The following CERS3 variants were observed in gnomAD, a reference collection of about 807,000 sequenced individuals.
The protein encoded by CERS3 is LAG1 homolog, ceramide synthase 3.
In CERS3, 33 loss-of-function variants were observed where a neutral mutation model predicts 50.3. That is an observed-to-expected ratio of 0.66 (90% CI 0.50 to 0.88). The LOEUF is 0.88. Among genes scored for constraint, CERS3 ranks in the 40% least tolerant of loss-of-function variants. The probability of loss-of-function intolerance (pLI) is 0.00; values close to 1 mark genes in which losing one functional copy is unlikely to be tolerated. For synonymous variants in CERS3, 176 were observed against 155.2 expected, an observed-to-expected ratio of 1.13 and a Z score of -0.99; for missense variants, 470 against 460.3, an observed-to-expected ratio of 1.02 and a Z score of -0.19.
rs148101618 is a variant in CERS3, at chr15:100,490,631, T to A, written c.288+186A>T. On this transcript the variant is annotated intron_variant, in intron 4 of 11. Transcript: ENST00000679737. ...TGTTAATATTTGTTATTTTATATTATCATATGTATCACACTTGGGATGTTC... is the reference window on the plus strand; with the variant it reads ...TGTTAATATTTGTTATTTTATATTAACATATGTATCACACTTGGGATGTTC... 3 of 513,660 alleles carry A rather than the reference T, an allele frequency of 5.8e-6. No individual in the cohort carries two copies. In the East Asian group the frequency reaches 9.8e-5, roughly 17 times the overall value. 31.8% of individuals were successfully genotyped at this position (513,660 alleles called of 1,614,324 possible). A position where few individuals can be genotyped will look rare whatever the true frequency, so the allele number is the denominator to read the frequency against.
intron 2 of CERS3, among the ~76,000 whole-genome samples, chr15:100,518,799 T>G (rs2036563769): frequency 6.6e-6 from 1 of 152,240 alleles, no homozygotes; most frequent in East Asian, 1.9e-4. Flanking sequence ...GATCTTCATT[T>G]GGGGTCAATG....
rs112536212 is a variant in CERS3 at position 100,527,958 on chromosome 15, G to C, written c.-92+855C>G. ...TTTAAGAAAAACAAAAGGCTTGTAGGGGGGAAGGCAATGAAAATGTGAAGT... is the reference window on the plus strand; with the variant it reads ...TTTAAGAAAAACAAAAGGCTTGTAGCGGGGAAGGCAATGAAAATGTGAAGT... On this transcript the variant is annotated intron_variant, in intron 1 of 11. Coordinates refer to ENST00000679737, the MANE Select transcript of CERS3 (RefSeq NM_001378789.1). 4.9e-3 allele frequency among the ~76,000 whole-genome samples: 750 copies of C among 152,270 alleles called. 3 individuals carry two copies. The highest frequency in any genetic ancestry group is 0.01 in the Middle Eastern group (3 of 294).
chr15:100,443,985 C>G (rs1208971915), intron 11 of CERS3, among the ~76,000 whole-genome samples: 2 of 152,204 alleles, frequency 1.3e-5, no homozygotes, highest in Non-Finnish European at 2.9e-5. Flanking sequence ...AGACTGCCCC[C>G]ATTCTAGCTC....
chr15:100,533,821 G>A (rs1302725743), upstream of CERS3, among the ~76,000 whole-genome samples: 1 of 152,174 alleles, frequency 6.6e-6, no homozygotes, highest in Admixed American at 6.5e-5. Flanking sequence ...GCCTCCCAAA[G>A]TGCTGAGATT....
intron 1 of CERS3, among the ~76,000 whole-genome samples, chr15:100,525,574 C>G (rs1033934551): frequency 6.6e-6 from 1 of 152,194 alleles, no homozygotes; most frequent in Non-Finnish European, 1.5e-5. Context: ...AATTGAACAT[C>G]TGTCCACCAT....
intron 11 of CERS3, among the ~76,000 whole-genome samples, chr15:100,441,413 C>T (rs1287882063): frequency 2.0e-5 from 3 of 151,930 alleles, no homozygotes; most frequent in African/African-American, 7.3e-5. Context: ...TCTCTGTGCC[C>T]CAACCCCTTA....
chr15:100,467,843 A>G (rs1490408780), intron 10 of CERS3, among the ~76,000 whole-genome samples: 2 of 122,696 alleles, frequency 1.6e-5, no homozygotes, highest in African/African-American at 3.2e-5. Context: ...ACGTGTATAT[A>G]TATATATATA....
intron 11 of CERS3, among the ~76,000 whole-genome samples, chr15:100,425,660 A>G (rs550706772): frequency 1.3e-5 from 2 of 152,242 alleles, no homozygotes; most frequent in Admixed American, 1.3e-4. Flanking sequence ...TTCTGATAAG[A>G]CTTTGGACTT....
At chr15:100,503,394 T>A (rs762627906) in intron 2 of CERS3, among the ~76,000 whole-genome samples, 8 of 152,182 alleles carry the variant, frequency 5.3e-5, no homozygotes, top group Non-Finnish European at 1.2e-4. Flanking sequence ...ATAAATCATA[T>A]GATCACCCTC....
At chr15:100,544,236 T>A (rs530510874) in intron 1 of CERS3, 2 of 152,462 alleles carry the variant, frequency 1.3e-5, no homozygotes, top group South Asian at 4.1e-4. Flanking sequence ...CTGGGCACTG[T>A]CGCCCTGGAG....
At chr15:100,453,224 T>C (rs931758255) in intron 11 of CERS3, among the ~76,000 whole-genome samples, 2 of 152,148 alleles carry the variant, frequency 1.3e-5, no homozygotes, top group African/African-American at 4.8e-5. Context: ...TCAATATCCC[T>C]GATTAACATA....
At chr15:100,485,515 G>A (rs1567654201) in intron 4 of CERS3, among the ~76,000 whole-genome samples, 2 of 152,132 alleles carry the variant, frequency 1.3e-5, no homozygotes, top group South Asian at 2.1e-4. Flanking sequence ...CCTTCTCCAC[G>A]TCTACAAAGA....
intron 10 of CERS3, among the ~76,000 whole-genome samples, chr15:100,464,407 T>C (rs773712480): frequency 5.9e-5 from 9 of 152,302 alleles, no homozygotes; most frequent in African/African-American, 1.7e-4. Flanking sequence ...CCAGCTGTGA[T>C]GAATTCAAGA....
intron 11 of CERS3, among the ~76,000 whole-genome samples, chr15:100,449,633 T>C (rs377443156): frequency 1.3e-5 from 2 of 152,242 alleles, no homozygotes; most frequent in Admixed American, 6.5e-5. Flanking sequence ...ACCACTGAGG[T>C]TGTTTATAGC....
At chr15:100,506,461 A>ACCCCCCCCCCCCCCCCCCC (rs376107005) in intron 2 of CERS3, among the ~76,000 whole-genome samples, 1 of 30,410 alleles carries the variant, frequency 3.3e-5, no homozygotes, top group African/African-American at 9.7e-5. Flanking sequence ...AGAAATCGGG[A>ACCCCCCCCCCCCCCCCCCC]CCCCCCCGCC....
chr15:100,471,477 C>T (rs1391416915), intron 9 of CERS3, among the ~76,000 whole-genome samples: 1 of 152,134 alleles, frequency 6.6e-6, no homozygotes, highest in Non-Finnish European at 1.5e-5. Context: ...TTTAATAACA[C>T]AATGAGGCTG....
At chr15:100,403,170 C>G (rs1242839719) in intron 11 of CERS3, among the ~76,000 whole-genome samples, 1 of 151,788 alleles carries the variant, frequency 6.6e-6, no homozygotes, top group African/African-American at 2.4e-5. Flanking sequence ...ATCGCTGGGT[C>G]AAAGGGTAAG....
chr15:100,437,001 TG>T (rs749594284), intron 11 of CERS3, among the ~76,000 whole-genome samples: 208 of 150,292 alleles, frequency 1.4e-3, no homozygotes, highest in South Asian at 2.5e-3. Flanking sequence ...TGGAGTGCAG[TG>T]GTGCAATCTC....
At chr15:100,503,749 G>T (rs761521850) in intron 2 of CERS3, 14 of 470,758 alleles carry the variant, frequency 3.0e-5, no homozygotes, top group African/African-American at 2.0e-4. Flanking sequence ...CATGCCTCAG[G>T]AGATGGAGAA....
Sources: allele counts gnomAD v4.1 joint callset (sites outside exome capture counted in the v4.1 genomes callset), GRCh38; gene constraint gnomAD v4.1.1; transcripts MANE v1.5; gene names NCBI Gene and HGNC (gene_info 2026-07-23, HGNC 2026-07-21).